The following TNFAIP3 variants were observed in gnomAD, a reference collection of about 807,000 sequenced individuals.
TNFAIP3 encodes the protein tumor necrosis factor alpha-induced protein 3.
A neutral mutation model predicts 72.4 loss-of-function variants in TNFAIP3; 9 were observed. The observed-to-expected ratio is 0.12, with a 90% CI of 0.07 to 0.22. The LOEUF is 0.22. Among genes scored for constraint, TNFAIP3 ranks in the 10% least tolerant of loss-of-function variants. The probability of loss-of-function intolerance (pLI) is 1.00; values close to 1 mark genes in which losing one functional copy is unlikely to be tolerated. For missense variants in TNFAIP3, 833 were observed against 1,018.7 expected, an observed-to-expected ratio of 0.82 and a Z score of 2.48; for synonymous variants, 339 against 372.6, an observed-to-expected ratio of 0.91 and a Z score of 1.04.
rs185915470 is a variant in TNFAIP3, at chr6:137,880,321, C to G, written c.2088+69C>G. 5 of 1,536,518 alleles carry G rather than the reference C, an allele frequency of 3.3e-6. No individual in the cohort carries two copies. The Admixed American group carries it at 5.2e-5, about 16-fold the overall frequency. ...TGCTTTTTGCTGGAGCGTTTTCTAC[C>G]GACAGTGACAAGCAGGCTTTCCTCT... On this transcript the variant is annotated intron_variant, in intron 8 of 8. Transcript: ENST00000612899.
intron 1 of TNFAIP3, among the ~76,000 whole-genome samples, chr6:137,868,610 A>C (rs1408746719): frequency 2.6e-5 from 4 of 152,132 alleles, no homozygotes; most frequent in African/African-American, 9.7e-5. Flanking sequence ...CAAGGGGGAG[A>C]AGAGTTTGAG....
upstream of TNFAIP3, among the ~76,000 whole-genome samples, chr6:137,866,363 T>C (rs977836674): frequency 6.6e-6 from 1 of 152,142 alleles, no homozygotes; most frequent in Admixed American, 6.5e-5. Context: ...TTATCAGCCA[T>C]CAGCACCCTG....
Position 137,882,888 on chromosome 6 carries a change from A to G in TNFAIP3, c.*1569A>G, listed in dbSNP as rs1776508842. The G allele has an allele frequency of 4.4e-6, 1 of 227,814 alleles. No individual in the cohort carries two copies. Among genetic ancestry groups the G allele is most frequent in the Non-Finnish European group, 8.7e-6 (1 of 114,854 alleles). The allele number at this position is 227,814 out of a possible 1,614,324, so 14.1% of individuals were successfully genotyped here. ...GAAGAAAAAAAAAAAAGGAGGGGAA[A>G]TGCATTTTCCCCAGAGATAAAGGCT... On this transcript the variant is annotated 3_prime_UTR_variant, in exon 9 of 9. Coordinates refer to ENST00000612899, the MANE Select transcript of TNFAIP3 (RefSeq NM_001270508.2).
chr6:137,879,295 C>A lies in TNFAIP3; in HGVS notation c.1850C>A (p.Thr617Asn), dbSNP rs2114506218. The A allele has an allele frequency of 6.2e-7, 1 of 1,614,206 alleles. No individual in the cohort carries two copies. The highest frequency in any genetic ancestry group is 8.5e-7 in the Non-Finnish European group (1 of 1,180,034). The change falls in exon 7 of 9, where the codon ACT (threonine) becomes AAT (asparagine). Residue 617 changes from threonine to asparagine, a missense_variant. Around this residue, in one of 2 missense-constraint regions of TNFAIP3, gnomAD observed 587 missense variants for 657.8 expected, o/e 0.89. Coordinates refer to ENST00000612899, the MANE Select transcript of TNFAIP3 (RefSeq NM_001270508.2). ...CRKAGCVYFGTPENKGFCTLC... is the reference protein window; with the variant it reads ...CRKAGCVYFGNPENKGFCTLC... The stretch of plus-strand genomic sequence containing the variant: ...AAAGCCGGCTGCGTGTATTTTGGGA[C>A]TCCAGAAAACAAGGGCTTTTGCACA...
chr6:137,874,781 C>G lies in TNFAIP3; in HGVS notation c.296-64C>G, dbSNP rs1393545410. ...AGTAGGGCTGGTTTATTCTGAAAACCTTTGCTGGGTCTTACATGCAGATAA... is the reference window on the plus strand; with the variant it reads ...AGTAGGGCTGGTTTATTCTGAAAACGTTTGCTGGGTCTTACATGCAGATAA... On this transcript the variant is annotated intron_variant, in intron 2 of 8. Coordinates refer to ENST00000612899, the MANE Select transcript of TNFAIP3 (RefSeq NM_001270508.2). 4 of 1,535,752 alleles carry G rather than the reference C, an allele frequency of 2.6e-6. No homozygotes were observed. In the South Asian group the frequency reaches 4.8e-5, roughly 19 times the overall value.
chr6:137,877,921 G>A (rs1776304952), intron 6 of TNFAIP3, among the ~76,000 whole-genome samples: 2 of 152,218 alleles, frequency 1.3e-5, no homozygotes, highest in Admixed American at 6.5e-5. Flanking sequence ...GCCTTTGAGT[G>A]TGTCTGCGTC....
chr6:137,875,918 A>T, intron 4 of TNFAIP3, 78 bp from the exon 5 acceptor site: 1 of 1,601,502 alleles, frequency 6.2e-7, no homozygotes, highest in Non-Finnish European at 8.5e-7. Flanking sequence ...ACACTGCCAA[A>T]GTTCAGGTAA....
In TNFAIP3 at chr6:137,873,729, G is replaced by A. The variant is rs144740139; in HGVS notation, c.296-1116G>A. Among the ~76,000 whole-genome samples, 1,017 of 152,272 alleles carry A rather than the reference G, an allele frequency of 6.7e-3. 7 individuals carry two copies. The highest frequency in any genetic ancestry group is 9.0e-3 in the Non-Finnish European group (609 of 68,026). ...GTCTGCCAAGACACAAGGCTTGGGC[G>A]ATCTTTTTTGTTCATTTGTTTGAAT... On this transcript the variant is annotated intron_variant, in intron 2 of 8. Coordinates refer to ENST00000612899, the MANE Select transcript of TNFAIP3 (RefSeq NM_001270508.2).
In TNFAIP3 at chr6:137,871,093, T is replaced by C. The variant is rs1359805042; in HGVS notation, c.-15-120T>C. On this transcript the variant is annotated intron_variant, in intron 1 of 8. Coordinates refer to ENST00000612899, the MANE Select transcript of TNFAIP3 (RefSeq NM_001270508.2). This position sits in a 1 kb window ranked among gnomAD's most constrained non-coding sequence, Gnocchi z 4.2. ...CCGGGAGTAGAGGTGCTAAGATCTTTTGCCTACAGATCAGGGTAATGACAA... is the reference window on the plus strand; with the variant it reads ...CCGGGAGTAGAGGTGCTAAGATCTTCTGCCTACAGATCAGGGTAATGACAA... The C allele has an allele frequency of 2.3e-6, 2 of 872,446 alleles. No homozygotes were observed. The highest frequency in any genetic ancestry group is 2.6e-5 in the East Asian group (1 of 38,602). 54.0% of individuals were successfully genotyped at this position (872,446 alleles called of 1,614,324 possible). A position where few individuals can be genotyped will look rare whatever the true frequency, so the allele number is the denominator to read the frequency against.
At chr6:137,875,076 G>A in intron 3 of TNFAIP3, 41 bp downstream of exon 3, 1 of 1,609,586 alleles carries the variant, frequency 6.2e-7, no homozygotes, top group Admixed American at 1.7e-5. Flanking sequence ...AGAGCTCCAT[G>A]GTGGGCATAG....
At position 137,867,952 on chromosome 6, in the gene TNFAIP3, TGCAGG is replaced by T; in HGVS notation, c.-16+411_-16+415del. Reference sequence around the variant, plus strand: ...AGCGCTGCGGCTTTTTCCCAAATTGTGCAGGACCAGCCCGACGGGGCGTAGGGTAC... The same window carrying T: ...AGCGCTGCGGCTTTTTCCCAAATTGTACCAGCCCGACGGGGCGTAGGGTAC... On this transcript the variant is annotated intron_variant, in intron 1 of 8. Transcript: ENST00000612899. This position sits in a 1 kb window ranked among gnomAD's most constrained non-coding sequence, Gnocchi z 6.0. 1 of 152,572 alleles carries T rather than the reference TGCAGG, an allele frequency of 6.6e-6. No individual in the cohort carries two copies. Among genetic ancestry groups the T allele is most frequent in the South Asian group, 2.1e-4 (1 of 4,876 alleles). The allele number at this position is 152,572 out of a possible 1,614,324, so 9.5% of individuals were successfully genotyped here.
intron 1 of TNFAIP3, among the ~76,000 whole-genome samples, chr6:137,868,724 A>G (rs1213962009): frequency 6.6e-6 from 1 of 151,942 alleles, no homozygotes; most frequent in East Asian, 1.9e-4. Flanking sequence ...TAAGGGTAAT[A>G]TTGCATTGTT....
intron 1 of TNFAIP3, among the ~76,000 whole-genome samples, chr6:137,869,372 TGGATGGAC>T (rs1326204187): frequency 0.015 from 2,082 of 140,594 alleles, 29 homozygotes; most frequent in East Asian, 0.06. Context: ...GATGGATGGA[TGGATGGAC>T]GGACGGACGG....
intron 7 of TNFAIP3, 26 bp downstream of exon 7, chr6:137,879,377 C>T (rs764853692): frequency 5.6e-6 from 9 of 1,596,204 alleles, no homozygotes; most frequent in Non-Finnish European, 7.7e-6. Flanking sequence ...GACTTCCTAA[C>T]ACAGCGGCTG....
intron 2 of TNFAIP3, among the ~76,000 whole-genome samples, chr6:137,873,611 G>A (rs1478046874): frequency 6.6e-6 from 1 of 152,142 alleles, no homozygotes; most frequent in African/African-American, 2.4e-5. Flanking sequence ...TCTCAATAAA[G>A]AACTGAAAGT....
Position 137,880,209 on chromosome 6 carries a change from A to C in TNFAIP3, c.2045A>C (p.Gln682Pro). 1.2e-6 allele frequency: 2 copies of C among 1,614,210 alleles called. No individual in the cohort carries two copies. The highest frequency in any genetic ancestry group is 1.1e-5 in the South Asian group (1 of 91,088). Residue 682 changes from glutamine (Q) to proline (P), a missense_variant, in exon 8 of 9, where the codon CAG becomes CCG. Transcript: ENST00000612899. Reference sequence around the variant, plus strand: ...TGCCAGAAGTGTTTCATTGAAGCTCAGAATCAGAGATTTCATGAGGCCAAA... The same window carrying C: ...TGCCAGAAGTGTTTCATTGAAGCTCCGAATCAGAGATTTCATGAGGCCAAA... ...GYCQKCFIEA[Q>P]NQRFHEAKRT...
At chr6:137,877,795 G>T (rs535289072) in intron 6 of TNFAIP3, among the ~76,000 whole-genome samples, 22 of 152,330 alleles carry the variant, frequency 1.4e-4, no homozygotes, top group African/African-American at 5.3e-4. Flanking sequence ...TTATGTTAAA[G>T]AGATGCCTGT....
chr6:137,880,625 G>A (rs1255491467), intron 8 of TNFAIP3, among the ~76,000 whole-genome samples: 1 of 111,922 alleles, frequency 8.9e-6, no homozygotes, highest in Non-Finnish European at 1.8e-5. Context: ...CATAAGGAGC[G>A]AACAGACAGA....
Position 137,881,071 on chromosome 6 carries a change from C to A in TNFAIP3, c.2125C>A (p.Gln709Lys). The part of the protein sequence containing the change: ...SQRRDVPRTT[Q>K]STSRPKCARA... ...GCGCAGAGATGTGCCTCGAACCACA[C>A]AAAGCACCTCAAGGCCCAAGTGCGC... Residue 709 changes from glutamine to lysine, a missense_variant, in exon 9 of 9, where the codon CAA (glutamine) becomes AAA (lysine). By Grantham distance (53) the Gln-to-Lys change is moderately conservative. Around this residue, in one of 2 missense-constraint regions of TNFAIP3, gnomAD observed 587 missense variants for 657.8 expected, o/e 0.89. Transcript: ENST00000612899. This position sits in a 1 kb window ranked among gnomAD's most constrained non-coding sequence, Gnocchi z 5.0. 2 of 1,613,382 alleles carry A rather than the reference C, an allele frequency of 1.2e-6. No homozygotes were observed. The highest frequency in any genetic ancestry group is 1.1e-5 in the South Asian group (1 of 91,042).
Sources: gnomAD v4.1 joint callset for allele counts (sites outside exome capture counted in the v4.1 genomes callset) on GRCh38, gnomAD v4.1.1 for gene constraint, gnomAD v4.1.1 regional missense constraint, Gnocchi (gnomAD v3.1) non-coding constraint, MANE v1.5 for transcripts, NCBI Gene and HGNC (gene_info 2026-07-23, HGNC 2026-07-21) for gene names.